RNF220: variants seen among roughly 807,000 people sequenced by gnomAD.
The protein encoded by RNF220 is E3 ubiquitin-protein ligase RNF220.
A neutral mutation model predicts 67.1 loss-of-function variants in RNF220; 7 were observed. The observed-to-expected ratio is 0.10, with a 90% CI of 0.06 to 0.20. RNF220 has a LOEUF of 0.20. Ranked by LOEUF, RNF220 falls within the 10% of genes least tolerant of loss-of-function variation. The pLI, the probability that RNF220 is intolerant of heterozygous loss-of-function variation, is 1.00. For missense variants in RNF220, 565 were observed against 740.3 expected, an observed-to-expected ratio of 0.76 and a Z score of 2.75; for synonymous variants, 270 against 283.2, an observed-to-expected ratio of 0.95 and a Z score of 0.47.
chr1:44,563,583 T>C (rs1663759973), intron 2 of RNF220, among the ~76,000 whole-genome samples: 1 of 152,202 alleles, frequency 6.6e-6, no homozygotes, highest in South Asian at 2.1e-4. Context: ...GTATGTATGA[T>C]GTAGTGCAAA....
chr1:44,496,479 GA>G (rs1224580376), intron 2 of RNF220, among the ~76,000 whole-genome samples: 5 of 152,176 alleles, frequency 3.3e-5, no homozygotes, highest in African/African-American at 1.2e-4. Context: ...CCTGAGGAAT[GA>G]TTAATGCTAA....
intron 2 of RNF220, among the ~76,000 whole-genome samples, chr1:44,519,853 G>A (rs556015429): frequency 3.9e-5 from 6 of 152,240 alleles, no homozygotes; most frequent in Admixed American, 2.0e-4. Flanking sequence ...TAAGAGCCTT[G>A]TCTGCCATAA....
chr1:44,642,766 G>T (rs775981132), intron 8 of RNF220, among the ~76,000 whole-genome samples: 5 of 152,226 alleles, frequency 3.3e-5, no homozygotes, highest in African/African-American at 4.8e-5. Context: ...TGGTGCCAGG[G>T]TTCTCTGCTT....
chr1:44,514,602 G>A (rs1259495731), intron 2 of RNF220, among the ~76,000 whole-genome samples: 2 of 152,174 alleles, frequency 1.3e-5, no homozygotes, highest in African/African-American at 2.4e-5. Flanking sequence ...AGAATGTCCT[G>A]CTGCTCCCTG....
chr1:44,445,369 CTGT>C (rs1335425227), intron 2 of RNF220, among the ~76,000 whole-genome samples: 3 of 152,154 alleles, frequency 2.0e-5, no homozygotes, highest in African/African-American at 7.2e-5. Context: ...AAGAGAAACC[CTGT>C]TGTTGTAATT....
At chr1:44,642,020 C>T (rs897530919) in intron 8 of RNF220, among the ~76,000 whole-genome samples, 2 of 152,232 alleles carry the variant, frequency 1.3e-5, no homozygotes, top group African/African-American at 4.8e-5. Context: ...AGAGCAGTGT[C>T]GCCAGTGTTT....
intron 2 of RNF220, among the ~76,000 whole-genome samples, chr1:44,509,597 A>G (rs1456777457): frequency 2.0e-5 from 3 of 150,932 alleles, no homozygotes; most frequent in Admixed American, 6.6e-5. Context: ...GAAAAAGAAA[A>G]TACGCATAGG....
At chr1:44,513,011 T>A (rs749465737) in intron 2 of RNF220, among the ~76,000 whole-genome samples, 1 of 152,112 alleles carries the variant, frequency 6.6e-6, no homozygotes, top group African/African-American at 2.4e-5. Context: ...CATTTTGCCT[T>A]TTGCTAGCAG....
intron 2 of RNF220, among the ~76,000 whole-genome samples, chr1:44,464,119 C>T (rs1413519387): frequency 6.6e-6 from 1 of 152,212 alleles, no homozygotes; most frequent in Admixed American, 6.5e-5. Flanking sequence ...TTTTAGAGTC[C>T]TATGTCAGCA....
intron 2 of RNF220, among the ~76,000 whole-genome samples, chr1:44,450,710 AT>A (rs1441923252): frequency 1.2e-4 from 18 of 152,154 alleles, no homozygotes; most frequent in African/African-American, 4.1e-4. Context: ...TTATTTGGTT[AT>A]TTTCCTGTTG....
chr1:44,428,675 C>T (rs771382210), intron 2 of RNF220, among the ~76,000 whole-genome samples: 23 of 152,132 alleles, frequency 1.5e-4, no homozygotes, highest in African/African-American at 5.3e-4. Flanking sequence ...TTTCCGACTT[C>T]GCATCCTTGT....
chr1:44,416,859 C>G (rs987480372), intron 2 of RNF220, among the ~76,000 whole-genome samples: 2 of 152,186 alleles, frequency 1.3e-5, no homozygotes, highest in South Asian at 4.1e-4. Flanking sequence ...TCTTGGGTCC[C>G]AAAAGCCCTG....
intron 2 of RNF220, among the ~76,000 whole-genome samples, chr1:44,496,133 T>C (rs189126680): frequency 6.6e-6 from 1 of 152,078 alleles, no homozygotes; most frequent in Admixed American, 6.6e-5. Flanking sequence ...AAAGAGTAGC[T>C]GAGGGATAGC....
chr1:44,434,233 G>C (rs1650713153), intron 2 of RNF220, among the ~76,000 whole-genome samples: 1 of 152,138 alleles, frequency 6.6e-6, no homozygotes, highest in South Asian at 2.1e-4. Context: ...TTGAGGAGGA[G>C]AGAGAAGGCC....
At chr1:44,464,035 A>G (rs984451128) in intron 2 of RNF220, among the ~76,000 whole-genome samples, 8 of 152,238 alleles carry the variant, frequency 5.3e-5, no homozygotes, top group African/African-American at 1.9e-4. Context: ...AATCTGACAG[A>G]AATAAGAAAG....
At chr1:44,483,112 G>T (rs1227507128) in intron 2 of RNF220, among the ~76,000 whole-genome samples, 3 of 151,694 alleles carry the variant, frequency 2.0e-5, no homozygotes, top group Non-Finnish European at 4.4e-5. Context: ...TCTATGTTTT[G>T]TAGAGACAGG....
At chr1:44,474,091 T>C (rs1655060631) in intron 2 of RNF220, among the ~76,000 whole-genome samples, 1 of 151,934 alleles carries the variant, frequency 6.6e-6, no homozygotes, top group African/African-American at 2.4e-5. Flanking sequence ...ATAATAATAA[T>C]AGACCGGGTG....
chr1:44,535,024 G>A (rs139413384), intron 2 of RNF220, among the ~76,000 whole-genome samples: 6 of 152,060 alleles, frequency 3.9e-5, no homozygotes, highest in African/African-American at 9.7e-5. Context: ...GCTAATCTCC[G>A]TAGGAGGAGT....
intron 2 of RNF220, among the ~76,000 whole-genome samples, chr1:44,456,692 A>T (rs1347886273): frequency 1.3e-5 from 2 of 152,194 alleles, no homozygotes; most frequent in Non-Finnish European, 2.9e-5. Flanking sequence ...GAAGATTTCT[A>T]AAATCACAAA....
Sources: allele counts gnomAD v4.1 joint callset (sites outside exome capture counted in the v4.1 genomes callset), GRCh38; gene constraint gnomAD v4.1.1; transcripts MANE v1.5; gene names NCBI Gene and HGNC (gene_info 2026-07-23, HGNC 2026-07-21).